Variants in ZFAND3 observed in about 807,000 individuals in gnomAD.
The protein encoded by ZFAND3 is AN1-type zinc finger protein 3.
ZFAND3 carries 10 observed loss-of-function variants against 29.6 expected under a neutral mutation model. The ratio of observed to expected loss-of-function variants is 0.34; its 90% CI spans 0.21 to 0.57. The LOEUF (loss-of-function observed/expected upper bound fraction) is 0.57, where lower values mean the gene tolerates loss of function less well. ZFAND3 is among the 20% of genes least tolerant of loss of function. ZFAND3 has a pLI of 0.86. For synonymous variants in ZFAND3, 128 were observed against 112.6 expected (o/e 1.14, Z -0.87); for missense variants, 230 against 304.5 (o/e 0.76, Z 1.82).
At chr6:37,861,971 T>C (rs1239211429) in intron 1 of ZFAND3, among the ~76,000 whole-genome samples, 2 of 152,234 alleles carry the variant, frequency 1.3e-5, no homozygotes, top group African/African-American at 4.8e-5. Flanking sequence ...TTGTCACTGA[T>C]GCAAATGGAA....
intron 2 of ZFAND3, among the ~76,000 whole-genome samples, chr6:38,037,354 G>C (rs1037144918): frequency 6.6e-6 from 1 of 152,232 alleles, no homozygotes; most frequent in African/African-American, 2.4e-5. Flanking sequence ...CAGTAGAACA[G>C]AATTTCTGGA....
intron 2 of ZFAND3, among the ~76,000 whole-genome samples, chr6:38,016,074 A>G (rs115464966): frequency 0.02 from 3,041 of 151,752 alleles, 89 homozygotes; most frequent in African/African-American, 0.07. Flanking sequence ...TGTGTCTTGC[A>G]GATGAGACCT....
chr6:38,026,467 G>A (rs1763452006), intron 2 of ZFAND3, among the ~76,000 whole-genome samples: 1 of 110,448 alleles, frequency 9.1e-6, no homozygotes, highest in Admixed American at 1.4e-4. Flanking sequence ...GTCTCACTCT[G>A]TCACCCAGGC....
intron 2 of ZFAND3, among the ~76,000 whole-genome samples, chr6:38,047,756 T>A (rs1763932608): frequency 6.6e-6 from 1 of 152,200 alleles, no homozygotes; most frequent in African/African-American, 2.4e-5. Context: ...TAAGGGCCAC[T>A]CCTTCATTCT....
At chr6:38,084,104 AC>A (rs1174760344) in intron 4 of ZFAND3, among the ~76,000 whole-genome samples, 1 of 152,176 alleles carries the variant, frequency 6.6e-6, no homozygotes, top group African/African-American at 2.4e-5. Flanking sequence ...GATCTTTAAG[AC>A]ACTAAAGCCT....
At chr6:38,141,367 C>G (rs1765950859) in intron 5 of ZFAND3, among the ~76,000 whole-genome samples, 1 of 152,192 alleles carries the variant, frequency 6.6e-6, no homozygotes, top group Non-Finnish European at 1.5e-5. Context: ...CATGCTCTGC[C>G]TCTGTTTGTG....
intron 4 of ZFAND3, among the ~76,000 whole-genome samples, chr6:38,096,541 C>T (rs758483786): frequency 4.6e-5 from 7 of 152,158 alleles, no homozygotes; most frequent in Non-Finnish European, 8.8e-5. Flanking sequence ...CCCTTTTTTC[C>T]ATTCAAGATG....
At chr6:37,921,703 A>G (rs1330375029) in intron 1 of ZFAND3, among the ~76,000 whole-genome samples, 2 of 152,160 alleles carry the variant, frequency 1.3e-5, no homozygotes, top group Non-Finnish European at 2.9e-5. Context: ...AATTTAGAAG[A>G]AACATTTAAC....
chr6:38,080,156 GA>G (rs1320988980), intron 3 of ZFAND3, among the ~76,000 whole-genome samples: 10 of 151,866 alleles, frequency 6.6e-5, no homozygotes, highest in African/African-American at 2.4e-5. Flanking sequence ...GAGCCTGTCG[GA>G]GGGTGGGGGT....
At chr6:37,901,592 T>G (rs1765319395) in intron 1 of ZFAND3, among the ~76,000 whole-genome samples, 1 of 152,140 alleles carries the variant, frequency 6.6e-6, no homozygotes, top group South Asian at 2.1e-4. Context: ...TGCTCCAGCC[T>G]GGGTGACAGA....
intron 1 of ZFAND3, among the ~76,000 whole-genome samples, chr6:37,869,145 C>G (rs13207526): frequency 0.13 from 19,868 of 151,984 alleles, 2,117 homozygotes; most frequent in African/African-American, 0.3. Flanking sequence ...TATGTATGGT[C>G]TGTAGTGATT....
chr6:38,077,523 A>C (rs1764578419), intron 3 of ZFAND3, among the ~76,000 whole-genome samples: 1 of 152,224 alleles, frequency 6.6e-6, no homozygotes, highest in African/African-American at 2.4e-5. Context: ...GTTACTATGA[A>C]AGGACTGATA....
intron 1 of ZFAND3, among the ~76,000 whole-genome samples, chr6:37,840,560 A>G (rs1374006202): frequency 6.6e-6 from 1 of 152,228 alleles, no homozygotes; most frequent in East Asian, 1.9e-4. Context: ...TTACATATGA[A>G]TTTCATCAGC....
At chr6:38,129,727 T>G (rs1211529139) in intron 5 of ZFAND3, among the ~76,000 whole-genome samples, 1 of 152,212 alleles carries the variant, frequency 6.6e-6, no homozygotes, top group Admixed American at 6.5e-5. Context: ...TACGGCCTTA[T>G]AGTTTAGTTT....
At position 37,912,856 on chromosome 6, in the gene ZFAND3, A is replaced by G. The variant is rs138851177; in HGVS notation, c.72-17103A>G. Among the ~76,000 whole-genome samples, 6 of 152,188 alleles carry G rather than the reference A, an allele frequency of 3.9e-5. No individual in the cohort carries two copies. In the South Asian group the frequency reaches 1.0e-3, roughly 26 times the overall value. ...AATTCTCTTAATAAATTACACAGGT[A>G]TACCTTACAGATAATGCAGTTTTTG... On this transcript the variant is annotated intron_variant, in intron 1 of 5. Coordinates refer to ENST00000287218, the MANE Select transcript of ZFAND3 (RefSeq NM_021943.3).
chr6:38,054,305 C>G (rs1454823558), intron 2 of ZFAND3, among the ~76,000 whole-genome samples: 3 of 148,918 alleles, frequency 2.0e-5, no homozygotes, highest in Admixed American at 1.3e-4. Flanking sequence ...GAGGTGGGAG[C>G]GTCACTTGGG....
At chr6:37,972,697 ATTT>A (rs56885104) in intron 2 of ZFAND3, among the ~76,000 whole-genome samples, 3 of 143,304 alleles carry the variant, frequency 2.1e-5, no homozygotes, top group East Asian at 2.0e-4. Context: ...AGGCCTATTA[ATTT>A]TTTTTTTTTT....
At chr6:37,975,380 C>T (rs1762460822) in intron 2 of ZFAND3, among the ~76,000 whole-genome samples, 2 of 151,878 alleles carry the variant, frequency 1.3e-5, no homozygotes, top group South Asian at 2.1e-4. Flanking sequence ...AAATCTTTTT[C>T]ATATTTATGT....
intron 1 of ZFAND3, among the ~76,000 whole-genome samples, chr6:37,886,280 A>AAAAAAAAAAAAAAAAAAAAAAAC (rs1561922411): frequency 4.7e-5 from 6 of 128,862 alleles, no homozygotes; most frequent in African/African-American, 1.5e-4. Flanking sequence ...AAAAAAAAAA[A>AAAAAAAAAAAAAAAAAAAAAAAC]AGTTCAAAGA....
Sources: gnomAD v4.1 joint callset for allele counts (sites outside exome capture counted in the v4.1 genomes callset) on GRCh38, gnomAD v4.1.1 for gene constraint, MANE v1.5 for transcripts, NCBI Gene and HGNC (gene_info 2026-07-23, HGNC 2026-07-21) for gene names.